The following NEGR1 variants were observed in gnomAD, a reference collection of about 807,000 sequenced individuals.
NEGR1 encodes the protein IgLON family member 4.
Under a neutral mutation model 40.9 loss-of-function variants are expected in NEGR1, and 10 were observed. That is an observed-to-expected ratio of 0.24 (90% CI 0.15 to 0.42). The LOEUF (loss-of-function observed/expected upper bound fraction) is 0.42. Among genes scored for constraint, NEGR1 ranks in the 10% least tolerant of loss-of-function variants. The pLI, the probability that NEGR1 is intolerant of heterozygous loss-of-function variation, is 1.00. For missense variants in NEGR1, 352 were observed against 438.9 expected (o/e 0.80, Z 1.77); for synonymous variants, 185 against 166.8 (o/e 1.11, Z -0.84).
intron 2 of NEGR1, among the ~76,000 whole-genome samples, chr1:71,902,010 C>T (rs576503567): frequency 1.3e-5 from 2 of 152,054 alleles, no homozygotes; most frequent in South Asian, 4.2e-4. Context: ...CATAACACCA[C>T]AAAAGTGAAA....
At chr1:72,132,531 G>A (rs556702982) in intron 1 of NEGR1, among the ~76,000 whole-genome samples, 1 of 152,288 alleles carries the variant, frequency 6.6e-6, no homozygotes, top group Non-Finnish European at 1.5e-5. Context: ...AATGAAGAAT[G>A]TGATGGTGAA....
chr1:71,838,364 T>G (rs1350500582), intron 2 of NEGR1, among the ~76,000 whole-genome samples: 1 of 152,114 alleles, frequency 6.6e-6, no homozygotes, highest in East Asian at 1.9e-4. Flanking sequence ...TATACTCTTT[T>G]GGGAATTAAT....
At chr1:72,249,154 A>C (rs1399827503) in intron 1 of NEGR1, among the ~76,000 whole-genome samples, 2 of 151,810 alleles carry the variant, frequency 1.3e-5, no homozygotes. Flanking sequence ...TTTATAAAAA[A>C]AAGGCCCATG....
intron 1 of NEGR1, among the ~76,000 whole-genome samples, chr1:72,082,681 C>G (rs1569933669): frequency 1.3e-5 from 2 of 150,760 alleles, no homozygotes; most frequent in African/African-American, 2.4e-5. Context: ...AACAACAAAA[C>G]CACAATTAGA....
chr1:71,833,495 A>T (rs553566849), intron 2 of NEGR1, among the ~76,000 whole-genome samples: 1 of 152,078 alleles, frequency 6.6e-6, no homozygotes, highest in Non-Finnish European at 1.5e-5. Flanking sequence ...TCTGGGGGGA[A>T]AAAAGTATTT....
At chr1:71,749,233 C>A (rs970777530) in intron 3 of NEGR1, among the ~76,000 whole-genome samples, 3 of 152,140 alleles carry the variant, frequency 2.0e-5, no homozygotes, top group Non-Finnish European at 2.9e-5. Context: ...CAATTTTTCA[C>A]AGAATCACCA....
At chr1:72,056,188 A>G (rs1037684515) in intron 1 of NEGR1, among the ~76,000 whole-genome samples, 37 of 151,382 alleles carry the variant, frequency 2.4e-4, no homozygotes, top group African/African-American at 8.7e-4. Context: ...TGTTTTAGCT[A>G]ATAACTTACT....
At chr1:71,670,893 C>T (rs758811012) in intron 4 of NEGR1, among the ~76,000 whole-genome samples, 14 of 150,858 alleles carry the variant, frequency 9.3e-5, no homozygotes, top group Non-Finnish European at 1.8e-4. Context: ...TAACTCACAA[C>T]ACACACACAC....
At position 72,046,951 on chromosome 1, in the gene NEGR1, T is replaced by A. The variant is rs553100831; in HGVS notation, c.177-111640A>T. On this transcript the variant is annotated intron_variant, in intron 1 of 6. Coordinates refer to ENST00000357731, the MANE Select transcript of NEGR1 (RefSeq NM_173808.3). ...TTGGGGAAGTAATCTGTGTGACCTA[T>A]AAACATCCATCTTCTTCCAACGTCC... 4.0e-4 allele frequency among the ~76,000 whole-genome samples: 60 copies of A among 151,756 alleles called. 1 individual carries two copies. In the South Asian group the frequency reaches 0.012, roughly 29 times the overall value.
chr1:71,938,710 T>C (rs568028352), intron 1 of NEGR1, among the ~76,000 whole-genome samples: 44 of 152,204 alleles, frequency 2.9e-4, no homozygotes, highest in African/African-American at 9.9e-4. Context: ...TGTCTACAAA[T>C]ATAAATTTGT....
intron 6 of NEGR1, among the ~76,000 whole-genome samples, chr1:71,432,792 C>A (rs1460252167): frequency 6.6e-6 from 1 of 152,152 alleles, no homozygotes; most frequent in East Asian, 1.9e-4. Context: ...ACCTTATAAC[C>A]TGTTTTACCA....
intron 2 of NEGR1, among the ~76,000 whole-genome samples, chr1:71,852,610 CTGTTT>C (rs1029024269): frequency 8.6e-5 from 13 of 151,924 alleles, no homozygotes; most frequent in Non-Finnish European, 1.8e-4. Context: ...TAGACCACAA[CTGTTT>C]TGTTTTGTTT....
intron 6 of NEGR1, among the ~76,000 whole-genome samples, chr1:71,509,431 C>T (rs531799644): frequency 3.0e-4 from 45 of 152,360 alleles, no homozygotes; most frequent in African/African-American, 1.0e-3. Flanking sequence ...CTTGTACCCA[C>T]ATCCGACATG....
intron 6 of NEGR1, among the ~76,000 whole-genome samples, chr1:71,551,444 T>A (rs529278503): frequency 8.6e-5 from 13 of 151,694 alleles, no homozygotes; most frequent in African/African-American, 3.1e-4. Flanking sequence ...ACACAAAAAA[T>A]TTAATCAGGT....
chr1:72,069,230 A>T (rs376227284), intron 1 of NEGR1, among the ~76,000 whole-genome samples: 5 of 151,776 alleles, frequency 3.3e-5, no homozygotes, highest in South Asian at 4.2e-4. Context: ...GGCAACATGG[A>T]GAAACCCCGT....
chr1:71,408,672 A>AATG (rs1646295782), intron 6 of NEGR1: 1 of 151,964 alleles, frequency 6.6e-6, no homozygotes, highest in Non-Finnish European at 1.5e-5. Context: ...TAATAATAAT[A>AATG]ATAATTGTAA....
chr1:71,706,565 A>C (rs1653907026), intron 3 of NEGR1, among the ~76,000 whole-genome samples: 1 of 36,378 alleles, frequency 2.7e-5, no homozygotes, highest in African/African-American at 8.7e-5. Context: ...TTGCTGCTCC[A>C]AAAAAAAAAA....
At chr1:71,431,558 C>T (rs1274880886) in intron 6 of NEGR1, among the ~76,000 whole-genome samples, 13 of 56,908 alleles carry the variant, frequency 2.3e-4, no homozygotes, top group African/African-American at 5.7e-4. Context: ...ATCCATCCAT[C>T]TGTTTATCCA....
intron 2 of NEGR1, among the ~76,000 whole-genome samples, chr1:71,906,243 G>A (rs962434657): frequency 6.6e-6 from 1 of 151,842 alleles, no homozygotes; most frequent in African/African-American, 2.4e-5. Flanking sequence ...TGGGGAGAAG[G>A]GGGAAAGGGA....
Sources: allele counts gnomAD v4.1 joint callset (sites outside exome capture counted in the v4.1 genomes callset), GRCh38; gene constraint gnomAD v4.1.1; transcripts MANE v1.5; gene names NCBI Gene and HGNC (gene_info 2026-07-23, HGNC 2026-07-21).